ABI2: variants seen among roughly 807,000 people sequenced by gnomAD.
ABI2 encodes the protein abelson interactor 2.
In ABI2, 25 loss-of-function variants were observed where a neutral mutation model predicts 59.2. The ratio of observed to expected loss-of-function variants is 0.42; its 90% CI spans 0.31 to 0.59. The LOEUF is 0.59. ABI2 is among the 20% of genes least tolerant of loss of function. ABI2 has a pLI of 0.14. For missense variants in ABI2, 545 were observed against 681.8 expected (o/e 0.80, Z 2.23); for synonymous variants, 213 against 235.5 (o/e 0.90, Z 0.87).
intron 1 of ABI2, among the ~76,000 whole-genome samples, chr2:203,360,889 C>T (rs1229205850): frequency 6.6e-6 from 1 of 152,168 alleles, no homozygotes; most frequent in East Asian, 1.9e-4. Context: ...TTGCTAATAT[C>T]ATTTATGAAA....
At chr2:203,331,956 C>A (rs1385378903) in intron 1 of ABI2, among the ~76,000 whole-genome samples, 1 of 151,680 alleles carries the variant, frequency 6.6e-6, no homozygotes, top group Non-Finnish European at 1.5e-5. Flanking sequence ...ATTACAGGCA[C>A]GTGCCAACAC....
intron 2 of ABI2, among the ~76,000 whole-genome samples, chr2:203,377,860 C>T (rs779758906): frequency 3.9e-5 from 6 of 152,220 alleles, no homozygotes; most frequent in African/African-American, 7.2e-5. Context: ...GAGCCATGAT[C>T]GGGCCAGTCC....
intron 9 of ABI2, among the ~76,000 whole-genome samples, chr2:203,403,707 G>T (rs1313118864): frequency 7.0e-6 from 1 of 142,320 alleles, no homozygotes; most frequent in Non-Finnish European, 1.5e-5. Flanking sequence ...TTGAACTTAG[G>T]TTTTCTGACT....
chr2:203,392,305 CCACCACCACCAACAACAACAACAA>C (rs1234585734), intron 5 of ABI2, among the ~76,000 whole-genome samples: 14 of 97,896 alleles, frequency 1.4e-4, no homozygotes, highest in Admixed American at 2.2e-4. Flanking sequence ...ACCACCACCA[CCACCACCACCAACAACAACAACAA>C]CAACAACAAC....
intron 1 of ABI2, among the ~76,000 whole-genome samples, chr2:203,365,198 G>A (rs2094236903): frequency 6.6e-6 from 1 of 151,680 alleles, no homozygotes; most frequent in African/African-American, 2.4e-5. Context: ...ACTTTTTTTT[G>A]TGCTTGTATT....
chr2:203,402,289 C>T (rs2097256829), intron 8 of ABI2, among the ~76,000 whole-genome samples: 1 of 152,186 alleles, frequency 6.6e-6, no homozygotes, highest in Admixed American at 6.5e-5. Flanking sequence ...CCTGCCTTGG[C>T]CTCCCAAAGT....
chr2:203,376,435 C>T (rs2095683165), intron 2 of ABI2, among the ~76,000 whole-genome samples: 1 of 152,222 alleles, frequency 6.6e-6, no homozygotes, highest in African/African-American at 2.4e-5. Context: ...CAATTAAAAA[C>T]ATCATATAGC....
Position 203,349,099 on chromosome 2 carries a change from A to AT in ABI2, c.118-17767dup, listed in dbSNP as rs200842272. 2.1e-3 allele frequency among the ~76,000 whole-genome samples: 299 copies of AT among 145,200 alleles called. 1 individual carries two copies. The highest frequency in any genetic ancestry group is 3.5e-3 in the Middle Eastern group (1 of 282). On this transcript the variant is annotated intron_variant, in intron 1 of 11. Transcript: ENST00000261018. ...AGGCATGTGCCACTGCACCCGAGTAATTTTTTTTTTTGTATTTTTTTTTTT... is the reference window on the plus strand; with the variant it reads ...AGGCATGTGCCACTGCACCCGAGTAATTTTTTTTTTTTGTATTTTTTTTTTT...
chr2:203,391,201 C>G (rs2096729696), intron 5 of ABI2, 58 bp downstream of exon 5: 1 of 1,163,876 alleles, frequency 8.6e-7, no homozygotes. Flanking sequence ...AAAAATGAAG[C>G]ACAACATATT....
intron 1 of ABI2, among the ~76,000 whole-genome samples, chr2:203,364,975 G>A (rs1250171013): frequency 1.3e-5 from 2 of 151,352 alleles, no homozygotes; most frequent in East Asian, 3.9e-4. Flanking sequence ...TTTAAGCAAT[G>A]CTCCCGCCTC....
chr2:203,411,002 T>C (rs2097649516), intron 9 of ABI2, among the ~76,000 whole-genome samples: 1 of 129,470 alleles, frequency 7.7e-6, no homozygotes, highest in African/African-American at 3.5e-5. Context: ...AATGGGATTA[T>C]GTTTTATATA....
At chr2:203,363,031 A>G (rs933370897) in intron 1 of ABI2, among the ~76,000 whole-genome samples, 3 of 152,034 alleles carry the variant, frequency 2.0e-5, no homozygotes, top group Non-Finnish European at 4.4e-5. Flanking sequence ...GGGTTTTACC[A>G]TATTGGCCAG....
rs950970973 is a variant in ABI2, at chr2:203,427,862, TTA to T, written c.*512_*513del. The T allele has an allele frequency of 3.9e-5, 6 of 152,744 alleles. No individual in the cohort carries two copies. The highest frequency in any genetic ancestry group is 8.8e-5 in the Non-Finnish European group (6 of 68,134). 9.5% of individuals were successfully genotyped at this position (152,744 alleles called of 1,614,324 possible). ...ATACCACACTTAACCATTTTTACAATTATTTCAGATGGCTTTTTTCCTCTGTG... is the reference window on the plus strand; with the variant it reads ...ATACCACACTTAACCATTTTTACAATTTTCAGATGGCTTTTTTCCTCTGTG... On this transcript the variant is annotated 3_prime_UTR_variant, in exon 12 of 12. Transcript: ENST00000261018.
At chr2:203,338,700 A>G (rs2077572938) in intron 1 of ABI2, among the ~76,000 whole-genome samples, 1 of 151,726 alleles carries the variant, frequency 6.6e-6, no homozygotes, top group African/African-American at 2.4e-5. Context: ...AGAAGAAAAC[A>G]TAGGGGAAAA....
At chr2:203,341,676 C>G (rs531865655) in intron 1 of ABI2, among the ~76,000 whole-genome samples, 37 of 152,226 alleles carry the variant, frequency 2.4e-4, no homozygotes, top group African/African-American at 8.4e-4. Context: ...CACCACTGCA[C>G]TCCAGCCTGG....
At chr2:203,411,476 C>A in intron 10 of ABI2, 105 bp downstream of exon 10, 1 of 878,376 alleles carries the variant, frequency 1.1e-6, no homozygotes, top group Non-Finnish European at 1.8e-6. Context: ...TTCAACATTT[C>A]AATATTATGA....
intron 4 of ABI2, among the ~76,000 whole-genome samples, chr2:203,386,174 A>G (rs555184744): frequency 1.4e-4 from 21 of 152,312 alleles, no homozygotes; most frequent in African/African-American, 5.1e-4. Flanking sequence ...ACAAAACTGG[A>G]CAGAGAATGA....
At chr2:203,377,023 T>C (rs2095750689) in intron 2 of ABI2, among the ~76,000 whole-genome samples, 1 of 152,200 alleles carries the variant, frequency 6.6e-6, no homozygotes, top group Admixed American at 6.5e-5. Context: ...GATTTATTAA[T>C]ATTTCTAGTA....
chr2:203,412,022 G>A (rs1197249144), intron 10 of ABI2, among the ~76,000 whole-genome samples: 1 of 152,196 alleles, frequency 6.6e-6, no homozygotes, highest in Non-Finnish European at 1.5e-5. Flanking sequence ...CTTATGGGCA[G>A]TCTTTGCGAG....
Sources: gnomAD v4.1 joint callset for allele counts (sites outside exome capture counted in the v4.1 genomes callset) on GRCh38, gnomAD v4.1.1 for gene constraint, MANE v1.5 for transcripts, NCBI Gene and HGNC (gene_info 2026-07-23, HGNC 2026-07-21) for gene names.